The following AP1AR variants were observed in gnomAD, a reference collection of about 807,000 sequenced individuals.
The protein encoded by AP1AR is AP-1 complex-associated regulatory protein.
In AP1AR, 29 loss-of-function variants were observed where a neutral mutation model predicts 46.3. The ratio of observed to expected loss-of-function variants is 0.63; its 90% CI spans 0.47 to 0.85. The LOEUF (loss-of-function observed/expected upper bound fraction) is 0.85. Among genes scored for constraint, AP1AR ranks in the 40% least tolerant of loss-of-function variants. AP1AR has a pLI of 0.00. For missense variants in AP1AR, 357 were observed against 356.3 expected, an observed-to-expected ratio of 1.00 and a Z score of -0.02; for synonymous variants, 122 against 122.9, an observed-to-expected ratio of 0.99 and a Z score of 0.05.
Position 112,232,052 on chromosome 4 carries a change from G to GGGAGGA in AP1AR, c.-29_-24dup. The GGGAGGA allele has an allele frequency of 7.4e-7, 1 of 1,346,628 alleles. No homozygotes were observed. The highest frequency in any genetic ancestry group is 9.6e-7 in the Non-Finnish European group (1 of 1,039,950). The allele number at this position is 1,346,628 out of a possible 1,614,324, so 83.4% of individuals were successfully genotyped here. ...CCGGGCCTGGGTTTGGGCATTGAGC[G>GGGAGGA]GGAGGAGGAGGAGGAGCGGCGGCGC... On this transcript the variant is annotated 5_prime_UTR_variant, in exon 1 of 10. Coordinates refer to ENST00000274000, the MANE Select transcript of AP1AR (RefSeq NM_018569.6).
intron 9 of AP1AR, among the ~76,000 whole-genome samples, chr4:112,267,399 C>T (rs1224653480): frequency 2.0e-5 from 3 of 151,752 alleles, no homozygotes; most frequent in African/African-American, 4.8e-5. Context: ...TTATTTTTTC[C>T]TTTCAAGATT....
In AP1AR at chr4:112,232,097, G is replaced by T; in HGVS notation, c.6G>T (p.Gly2=). 1 of 1,347,038 alleles carries T rather than the reference G, an allele frequency of 7.4e-7. No homozygotes were observed. Among genetic ancestry groups the T allele is most frequent in the Non-Finnish European group, 9.6e-7 (1 of 1,041,194 alleles). 83.4% of individuals were successfully genotyped at this position (1,347,038 alleles called of 1,614,324 possible). Residue 2 remains glycine (G), a synonymous_variant, in exon 1 of 10, where the codon GGG becomes GGT. Transcript: ENST00000274000. ...CGGCGCCTGGGCGGCATGCGATGGG[G>T]AACTGCTGCTGGACGCAGTGCTTCG... M[G]NCCWTQCFGL... is the part of the protein sequence containing the mutation.
intron 3 of AP1AR, among the ~76,000 whole-genome samples, chr4:112,255,358 A>G (rs1726142744): frequency 6.6e-6 from 1 of 152,230 alleles, no homozygotes; most frequent in South Asian, 2.1e-4. Flanking sequence ...TGTATTTCTA[A>G]TATTTCTAAC....
At chr4:112,257,060 T>C (rs1196473533) in intron 3 of AP1AR, among the ~76,000 whole-genome samples, 1 of 152,152 alleles carries the variant, frequency 6.6e-6, no homozygotes, top group Admixed American at 6.6e-5. Context: ...CTAACACACA[T>C]ATTTTCCCCA....
chr4:112,268,029 A>T, intron 9 of AP1AR, 115 bp from the exon 10 acceptor site: 1 of 1,081,772 alleles, frequency 9.2e-7, no homozygotes. Context: ...TCTTTAAGTT[A>T]ATTCACACAT....
At chr4:112,257,920 TC>T (rs1354643693) in intron 4 of AP1AR, 123 bp downstream of exon 4, 2 of 791,152 alleles carry the variant, frequency 2.5e-6, no homozygotes, top group East Asian at 3.1e-5. Context: ...TTCAGAACTT[TC>T]AGATTTTTCT....
Position 112,268,505 on chromosome 4 carries a change from A to C in AP1AR, c.*96A>C, listed in dbSNP as rs1014537533. 3 of 1,244,642 alleles carry C rather than the reference A, an allele frequency of 2.4e-6. No individual in the cohort carries two copies. The African/African-American group carries it at 4.6e-5, about 19-fold the overall frequency. The allele number at this position is 1,244,642 out of a possible 1,614,324, so 77.1% of individuals were successfully genotyped here. A position where few individuals can be genotyped will look rare whatever the true frequency, so the allele number is the denominator to read the frequency against. ...TGTGCTTAGCCTTTTTGTAAGGGAG[A>C]TGTGTAAGAAACCATGTTGTAAATG... is the stretch of plus-strand genomic sequence containing the variant. On this transcript the variant is annotated 3_prime_UTR_variant, in exon 10 of 10. Coordinates refer to ENST00000274000, the MANE Select transcript of AP1AR (RefSeq NM_018569.6).
chr4:112,260,586 T>C (rs1726398082), intron 4 of AP1AR, among the ~76,000 whole-genome samples, 180 bp from the exon 5 acceptor site: 1 of 152,266 alleles, frequency 6.6e-6, no homozygotes, highest in Non-Finnish European at 1.5e-5. Context: ...TATACTAGAA[T>C]AATAGCAAGT....
At chr4:112,240,527 A>G (rs1725446752) in intron 1 of AP1AR, among the ~76,000 whole-genome samples, 1 of 152,250 alleles carries the variant, frequency 6.6e-6, no homozygotes, top group African/African-American at 2.4e-5. Flanking sequence ...CCCAGCTCTC[A>G]GTTAAGTGCC....
intron 4 of AP1AR, among the ~76,000 whole-genome samples, chr4:112,260,216 A>C (rs1281645666): frequency 1.3e-5 from 2 of 152,208 alleles, no homozygotes; most frequent in Non-Finnish European, 2.9e-5. Context: ...GTAAGAAAGT[A>C]GTTCAGATCT....
chr4:112,270,643 C>T lies in AP1AR; in HGVS notation c.*2234C>T, dbSNP rs958828571. On this transcript the variant is annotated 3_prime_UTR_variant, in exon 10 of 10. Coordinates refer to ENST00000274000, the MANE Select transcript of AP1AR (RefSeq NM_018569.6). Reference sequence around the variant, plus strand: ...TGAAGCATGTTATAAGCAAAGGGAACGGCAAGTACAAAGTACCTGAGGTGG... The same window carrying T: ...TGAAGCATGTTATAAGCAAAGGGAATGGCAAGTACAAAGTACCTGAGGTGG... Among the ~76,000 whole-genome samples the T allele has an allele frequency of 5.9e-5, 9 of 152,084 alleles. No individual in the cohort carries two copies. The highest frequency in any genetic ancestry group is 1.9e-4 in the East Asian group (1 of 5,202).
intron 1 of AP1AR, among the ~76,000 whole-genome samples, chr4:112,244,664 A>C (rs1036934583): frequency 1.3e-5 from 2 of 152,082 alleles, no homozygotes; most frequent in Non-Finnish European, 2.9e-5. Flanking sequence ...GTCTCCTGTC[A>C]GTAATAATGC....
intron 4 of AP1AR, among the ~76,000 whole-genome samples, chr4:112,260,275 T>A (rs1474112221): frequency 6.6e-6 from 1 of 152,116 alleles, no homozygotes; most frequent in Non-Finnish European, 1.5e-5. Flanking sequence ...AGAAGATGAC[T>A]GGGACAGATA....
At chr4:112,254,058 A>G (rs1408857791) in intron 2 of AP1AR, among the ~76,000 whole-genome samples, 2 of 152,176 alleles carry the variant, frequency 1.3e-5, no homozygotes, top group Non-Finnish European at 2.9e-5. Context: ...TTTTCTCTCA[A>G]TCTTTAAGCC....
At position 112,270,593 on chromosome 4, in the gene AP1AR, G is replaced by C. The variant is rs1726909670; in HGVS notation, c.*2184G>C. Among the ~76,000 whole-genome samples, 1 of 152,168 alleles carries C rather than the reference G, an allele frequency of 6.6e-6. No homozygotes were observed. The highest frequency in any genetic ancestry group is 6.5e-5 in the Admixed American group (1 of 15,278). ...TTGGCTAAAACCTAATTGTTAAGCA[G>C]GAAACAGTCAAGTAAAACCTGGTAT... On this transcript the variant is annotated 3_prime_UTR_variant, in exon 10 of 10. Transcript: ENST00000274000.
intron 1 of AP1AR, among the ~76,000 whole-genome samples, chr4:112,237,112 C>CT (rs777983769): frequency 2.6e-5 from 4 of 152,098 alleles, no homozygotes; most frequent in African/African-American, 9.7e-5. Flanking sequence ...ACAGTGTTTT[C>CT]TTTTTGTTTC....
rs1160595397 is a variant in AP1AR, at chr4:112,249,529, C to T, written c.84-3679C>T. 6.0e-5 allele frequency among the ~76,000 whole-genome samples: 9 copies of T among 149,016 alleles called. No individual in the cohort carries two copies. The South Asian group carries it at 8.6e-4, about 14-fold the overall frequency. Reference sequence around the variant, plus strand: ...AAAATTAGCCGGGTGTGGTGGTGGGCGCCTGTAATTCCAGCTACTTGGGAG... The same window carrying T: ...AAAATTAGCCGGGTGTGGTGGTGGGTGCCTGTAATTCCAGCTACTTGGGAG... On this transcript the variant is annotated intron_variant, in intron 1 of 9. Coordinates refer to ENST00000274000, the MANE Select transcript of AP1AR (RefSeq NM_018569.6).
At chr4:112,244,788 T>G (rs924864861) in intron 1 of AP1AR, among the ~76,000 whole-genome samples, 16 of 152,326 alleles carry the variant, frequency 1.1e-4, no homozygotes, top group African/African-American at 3.4e-4. Flanking sequence ...CCTCCAAAAA[T>G]CTCTGGTCTG....
In AP1AR at chr4:112,231,967, T is replaced by A. The variant is rs918866356; in HGVS notation, c.-125T>A. The A allele has an allele frequency of 1.0e-5, 9 of 893,078 alleles. No individual in the cohort carries two copies. In the Admixed American group the frequency reaches 3.9e-4, roughly 38 times the overall value. 55.3% of individuals were successfully genotyped at this position (893,078 alleles called of 1,614,324 possible). A position where few individuals can be genotyped will look rare whatever the true frequency, so the allele number is the denominator to read the frequency against. ...CCCGTGCCCTCACGCCGCCGGGCTC[T>A]GGCCGGCCCGCCCTCGGTCCTTGAA... On this transcript the variant is annotated 5_prime_UTR_variant, in exon 1 of 10. Coordinates refer to ENST00000274000, the MANE Select transcript of AP1AR (RefSeq NM_018569.6).
Sources: gnomAD v4.1 joint callset for allele counts (sites outside exome capture counted in the v4.1 genomes callset) on GRCh38, gnomAD v4.1.1 for gene constraint, MANE v1.5 for transcripts, NCBI Gene and HGNC (gene_info 2026-07-23, HGNC 2026-07-21) for gene names.